RALYL: variants seen among roughly 807,000 people sequenced by gnomAD.
RALYL encodes the protein RNA-binding Raly-like protein.
In RALYL, 29 loss-of-function variants were observed where a neutral mutation model predicts 35.1. The observed-to-expected ratio is 0.83, with a 90% CI of 0.61 to 1.13. RALYL has a LOEUF of 1.13. RALYL is among the 50% of genes most tolerant of loss of function. The pLI, the probability that RALYL is intolerant of heterozygous loss-of-function variation, is 0.00. For synonymous variants in RALYL, 120 were observed against 127.6 expected, an observed-to-expected ratio of 0.94 and a Z score of 0.40; for missense variants, 359 against 360.4, an observed-to-expected ratio of 1.00 and a Z score of 0.03.
intron 1 of RALYL, among the ~76,000 whole-genome samples, chr8:84,279,653 G>A (rs1226291574): frequency 6.6e-6 from 1 of 152,126 alleles, no homozygotes; most frequent in Non-Finnish European, 1.5e-5. Context: ...CTTTGGAGGA[G>A]CATCCACTTT....
intron 4 of RALYL, among the ~76,000 whole-genome samples, chr8:84,848,656 G>T (rs974532577): frequency 1.3e-5 from 2 of 152,080 alleles, no homozygotes; most frequent in African/African-American, 4.8e-5. Context: ...GGAAGTTATT[G>T]TTTAATGAGT....
intron 2 of RALYL, among the ~76,000 whole-genome samples, chr8:84,740,104 C>A (rs185871192): frequency 5.9e-4 from 90 of 152,026 alleles, no homozygotes; most frequent in African/African-American, 2.1e-3. Context: ...GGAAGACATG[C>A]TAATACTTAT....
At chr8:84,582,115 C>A (rs1470749072) in intron 2 of RALYL, among the ~76,000 whole-genome samples, 2 of 152,030 alleles carry the variant, frequency 1.3e-5, no homozygotes, top group Non-Finnish European at 2.9e-5. Context: ...TACCTTAGTA[C>A]AGAACATTAA....
At chr8:84,379,671 AAAAC>A (rs552401479) in intron 1 of RALYL, among the ~76,000 whole-genome samples, 397 of 152,002 alleles carry the variant, frequency 2.6e-3, no homozygotes, top group Non-Finnish European at 4.8e-3. Context: ...ACAAAAAACA[AAAAC>A]AAAAACAAAA....
At chr8:84,720,348 G>A (rs1843662941) in intron 2 of RALYL, among the ~76,000 whole-genome samples, 2 of 152,046 alleles carry the variant, frequency 1.3e-5, no homozygotes, top group Non-Finnish European at 2.9e-5. Flanking sequence ...AAATAAACCT[G>A]TATACTTACA....
chr8:84,734,412 G>T (rs1846842705), intron 2 of RALYL, among the ~76,000 whole-genome samples: 1 of 152,026 alleles, frequency 6.6e-6, no homozygotes, highest in South Asian at 2.1e-4. Context: ...AATTTTTAAG[G>T]TACAACTTTA....
chr8:84,772,917 G>T (rs1815905967), intron 2 of RALYL, among the ~76,000 whole-genome samples: 1 of 152,092 alleles, frequency 6.6e-6, no homozygotes, highest in Non-Finnish European at 1.5e-5. Flanking sequence ...TGTGCCCAAT[G>T]TCTCACTAGA....
At chr8:84,718,474 C>T (rs544916843) in intron 2 of RALYL, among the ~76,000 whole-genome samples, 6 of 152,088 alleles carry the variant, frequency 3.9e-5, no homozygotes, top group Admixed American at 2.0e-4. Flanking sequence ...TGTTAAGAAA[C>T]ATTCTCTGGC....
chr8:84,187,223 CT>C (rs1231148352), intron 1 of RALYL, among the ~76,000 whole-genome samples: 2 of 151,964 alleles, frequency 1.3e-5, no homozygotes, highest in Non-Finnish European at 2.9e-5. Context: ...TTTTCAAGAA[CT>C]TTTTATGGGA....
At chr8:84,342,711 G>A (rs542913738) in intron 1 of RALYL, among the ~76,000 whole-genome samples, 24 of 152,058 alleles carry the variant, frequency 1.6e-4, no homozygotes, top group Non-Finnish European at 3.2e-4. Flanking sequence ...GCATGCCTGG[G>A]TAATATGTTG....
chr8:84,627,448 G>T (rs939769905), intron 2 of RALYL, among the ~76,000 whole-genome samples: 1 of 146,886 alleles, frequency 6.8e-6, no homozygotes, highest in African/African-American at 2.5e-5. Flanking sequence ...CCAGAGAGAG[G>T]TCTTATCGAG....
chr8:84,844,727 C>A (rs1834230857), intron 4 of RALYL, among the ~76,000 whole-genome samples: 1 of 152,106 alleles, frequency 6.6e-6, no homozygotes, highest in Admixed American at 6.5e-5. Context: ...CCCAAATGTC[C>A]AACAATGATA....
intron 2 of RALYL, among the ~76,000 whole-genome samples, chr8:84,675,593 C>T (rs1834035928): frequency 6.6e-6 from 1 of 151,972 alleles, no homozygotes; most frequent in African/African-American, 2.4e-5. Context: ...GATTTTCATG[C>T]TCATACAAAT....
chr8:84,794,655 T>C (rs556798055), intron 3 of RALYL, among the ~76,000 whole-genome samples: 5 of 152,292 alleles, frequency 3.3e-5, no homozygotes, highest in East Asian at 3.9e-4. Context: ...TGTAATCATA[T>C]TGGAGAAAGG....
intron 2 of RALYL, among the ~76,000 whole-genome samples, chr8:84,759,128 C>A (rs1371496917): frequency 1.3e-5 from 2 of 152,084 alleles, no homozygotes; most frequent in African/African-American, 4.8e-5. Flanking sequence ...CCCTCCTCTT[C>A]CAAACGTAAA....
intron 2 of RALYL, among the ~76,000 whole-genome samples, chr8:84,729,757 T>C (rs2132812084): frequency 6.6e-6 from 1 of 152,082 alleles, no homozygotes; most frequent in South Asian, 2.1e-4. Flanking sequence ...TACAAACACC[T>C]CTACGCAAAT....
At chr8:84,215,535 A>T (rs931050278) in intron 1 of RALYL, among the ~76,000 whole-genome samples, 1 of 136,408 alleles carries the variant, frequency 7.3e-6, no homozygotes, top group East Asian at 2.0e-4. Flanking sequence ...ATTTATGCAT[A>T]AGGTTTTTTT....
chr8:84,754,603 C>A (rs1246548702), intron 2 of RALYL, among the ~76,000 whole-genome samples: 4 of 152,118 alleles, frequency 2.6e-5, no homozygotes, highest in Non-Finnish European at 5.9e-5. Context: ...AGGATCCTGC[C>A]CTTGGCAGGA....
chr8:84,904,744 C>G (rs1378213895), intron 8 of RALYL, among the ~76,000 whole-genome samples: 1 of 151,960 alleles, frequency 6.6e-6, no homozygotes, highest in Non-Finnish European at 1.5e-5. Context: ...AAAAGTAATC[C>G]TAAAAAATGG....
Sources: gnomAD v4.1 joint callset for allele counts (sites outside exome capture counted in the v4.1 genomes callset) on GRCh38, gnomAD v4.1.1 for gene constraint, MANE v1.5 for transcripts, NCBI Gene and HGNC (gene_info 2026-07-23, HGNC 2026-07-21) for gene names.